Variants in CFAP44 observed in about 807,000 individuals in gnomAD.
CFAP44 encodes cilia and flagella associated protein 44.
A neutral mutation model predicts 216.2 loss-of-function variants in CFAP44; 134 were observed. That is an observed-to-expected ratio of 0.62 (90% CI 0.54 to 0.72). The LOEUF (loss-of-function observed/expected upper bound fraction) is 0.72, where lower values mean the gene tolerates loss of function less well. CFAP44 is among the 30% of genes least tolerant of loss of function. CFAP44 has a pLI of 0.00. For synonymous variants in CFAP44, 700 were observed against 727.6 expected (o/e 0.96, Z 0.61); for missense variants, 2,035 against 2,182.1 (o/e 0.93, Z 1.34).
chr3:113,386,137 T>C (rs1014947951), intron 15 of CFAP44, among the ~76,000 whole-genome samples: 1 of 152,208 alleles, frequency 6.6e-6, no homozygotes, highest in African/African-American at 2.4e-5. Context: ...ACTTATCTTT[T>C]ATTATTATAA....
At chr3:113,418,940 G>C (rs1464786484) in intron 5 of CFAP44, among the ~76,000 whole-genome samples, 1 of 151,762 alleles carries the variant, frequency 6.6e-6, no homozygotes, top group African/African-American at 2.4e-5. Flanking sequence ...TCCTGACCTC[G>C]TGATCCACCC....
chr3:113,384,812 T>G lies in CFAP44; in HGVS notation c.1891-3752A>C, dbSNP rs115233927. On this transcript the variant is annotated intron_variant, in intron 15 of 34. Transcript: ENST00000393845. ...AACACAGTAATAAGTATCCAGTGGGTAGCTGTGAAAGTGTGTGGGCAAACT... is the reference window on the plus strand; with the variant it reads ...AACACAGTAATAAGTATCCAGTGGGGAGCTGTGAAAGTGTGTGGGCAAACT... Among the ~76,000 whole-genome samples, 1,302 of 152,284 alleles carry G rather than the reference T, an allele frequency of 8.5e-3. 22 individuals carry two copies. The highest frequency in any genetic ancestry group is 0.03 in the African/African-American group (1,247 of 41,560).
chr3:113,396,443 G>C (rs2107354734), intron 14 of CFAP44, 75 bp downstream of exon 14: 1 of 1,441,362 alleles, frequency 6.9e-7, no homozygotes, highest in East Asian at 2.3e-5. Flanking sequence ...AATAAGACAT[G>C]ATGAAGTAGG....
At position 113,379,562 on chromosome 3, in the gene CFAP44, A is replaced by C; in HGVS notation, c.2053-11T>G. ...AATTTCTATTAATCTCTTTTAAAAT[A>C]AACATTAAGTAGGTATAAAAACAAT... On this transcript the variant is annotated splice_polypyrimidine_tract_variant and intron_variant, in intron 16 of 34. Transcript: ENST00000393845. The C allele has an allele frequency of 6.4e-7, 1 of 1,554,570 alleles. No homozygotes were observed. The highest frequency in any genetic ancestry group is 1.7e-5 in the Admixed American group (1 of 57,390).
chr3:113,375,765 G>A (rs1440499184), intron 17 of CFAP44, among the ~76,000 whole-genome samples: 1 of 152,166 alleles, frequency 6.6e-6, no homozygotes, highest in Non-Finnish European at 1.5e-5. Context: ...AGGCTGTAGT[G>A]AGCTGAGACG....
chr3:113,403,290 G>T (rs1480899456), intron 9 of CFAP44, among the ~76,000 whole-genome samples: 1 of 152,176 alleles, frequency 6.6e-6, no homozygotes, highest in Non-Finnish European at 1.5e-5. Context: ...GAAGAAGTGT[G>T]ACAATAGCAA....
At chr3:113,378,096 G>C (rs13083453) in intron 17 of CFAP44, among the ~76,000 whole-genome samples, 9 of 152,128 alleles carry the variant, frequency 5.9e-5, no homozygotes, top group African/African-American at 2.2e-4. Context: ...GGCTGGTCTC[G>C]AACTCTTGGG....
chr3:113,343,008 T>TAA (rs1950348048), intron 23 of CFAP44, among the ~76,000 whole-genome samples: 1 of 131,888 alleles, frequency 7.6e-6, no homozygotes, highest in African/African-American at 3.3e-5. Context: ...AAATAAAAAA[T>TAA]TAAAAAAAAA....
At chr3:113,298,103 C>T (rs1295441140) in intron 32 of CFAP44, among the ~76,000 whole-genome samples, 3 of 152,202 alleles carry the variant, frequency 2.0e-5, no homozygotes, top group Non-Finnish European at 4.4e-5. Flanking sequence ...CAGTAAAGAG[C>T]TTTGATTTCC....
chr3:113,405,220 C>T (rs1208831019), intron 8 of CFAP44, among the ~76,000 whole-genome samples: 7 of 152,190 alleles, frequency 4.6e-5, no homozygotes, highest in African/African-American at 1.7e-4. Context: ...ACAACCCTAC[C>T]GACTTTACTG....
rs200135990 is a variant in CFAP44, at chr3:113,327,778, G to A, written c.4158C>T (p.Leu1386=). 2.6e-4 allele frequency: 407 copies of A among 1,536,788 alleles called. 5 individuals are homozygous for A. Among genetic ancestry groups the A allele is most frequent in the Non-Finnish European group, 4.4e-5 (51 of 1,146,710 alleles). Residue 1386 remains leucine, a synonymous_variant, in exon 27 of 35, where the codon CTC becomes CTT. Transcript: ENST00000393845. The part of the protein sequence containing the change: ...LVVTFDAELR[L]LRHQKLKLDT... Reference sequence around the variant, plus strand: ...CTAGTTTTAGTTTCTGATGTCTAAGGAGACGGAGTTCTGCATCGAAAGTGA... The same window carrying A: ...CTAGTTTTAGTTTCTGATGTCTAAGAAGACGGAGTTCTGCATCGAAAGTGA...
At chr3:113,347,017 T>C (rs1444128925) in intron 22 of CFAP44, among the ~76,000 whole-genome samples, 1 of 152,174 alleles carries the variant, frequency 6.6e-6, no homozygotes, top group Non-Finnish European at 1.5e-5. Flanking sequence ...TCTGGACACA[T>C]CTTGGCGACC....
chr3:113,420,152 C>T lies in CFAP44; in HGVS notation c.435G>A (p.Lys145=). The change falls in exon 5 of 35, where the codon AAG becomes AAA. Residue 145 remains lysine, a synonymous_variant. Transcript: ENST00000393845. ...LVHSFGYDCR[K]RANLQLLDDS... is the part of the protein sequence containing the mutation. ...CGTCCAGAAGTTGTAGGTTGGCTCG[C>T]TTTCTACAGTCATAACCAAAAGAAT... is the stretch of plus-strand genomic sequence containing the variant. 1 of 1,613,460 alleles carries T rather than the reference C, an allele frequency of 6.2e-7. No homozygotes were observed. The highest frequency in any genetic ancestry group is 1.1e-5 in the South Asian group (1 of 90,940).
chr3:113,371,977 A>C (rs1933181986), intron 18 of CFAP44, among the ~76,000 whole-genome samples: 1 of 152,228 alleles, frequency 6.6e-6, no homozygotes, highest in Non-Finnish European at 1.5e-5. Context: ...ACAATGAAAA[A>C]ATGCTCATCA....
At chr3:113,354,042 A>C (rs1950471409) in intron 22 of CFAP44, among the ~76,000 whole-genome samples, 1 of 152,052 alleles carries the variant, frequency 6.6e-6, no homozygotes, top group East Asian at 1.9e-4. Context: ...CCTAGACTAA[A>C]GGCTGCTCTG....
rs1050728054 is a variant in CFAP44 at position 113,291,454 on chromosome 3, G to T, written c.*103C>A. The stretch of plus-strand genomic sequence containing the variant: ...ACTGGATCTGGTTTTACACTTTCAG[G>T]CGAGTTCAGTTTAAAGTAATAAGAT... On this transcript the variant is annotated 3_prime_UTR_variant, in exon 35 of 35. Transcript: ENST00000393845. 8 of 1,328,724 alleles carry T rather than the reference G, an allele frequency of 6.0e-6. No individual in the cohort carries two copies. Among genetic ancestry groups the T allele is most frequent in the Non-Finnish European group, 8.1e-6 (8 of 988,278 alleles). The allele number at this position is 1,328,724 out of a possible 1,614,324, so 82.3% of individuals were successfully genotyped here.
chr3:113,333,698 A>G, intron 24 of CFAP44, 115 bp from the exon 25 acceptor site: 3 of 1,195,698 alleles, frequency 2.5e-6, no homozygotes, highest in Non-Finnish European at 3.3e-6. Context: ...TATGATTTCA[A>G]ATCTGTGATG....
At chr3:113,425,162 C>A (rs534705484) in intron 4 of CFAP44, among the ~76,000 whole-genome samples, 1 of 152,080 alleles carries the variant, frequency 6.6e-6, no homozygotes, top group African/African-American at 2.4e-5. Flanking sequence ...TAAATCAGCA[C>A]GAATTAATTT....
Position 113,291,041 on chromosome 3 carries a change from A to C in CFAP44, c.*516T>G, listed in dbSNP as rs1311275619. The C allele has an allele frequency of 1.9e-5, 3 of 154,556 alleles. No homozygotes were observed. Among genetic ancestry groups the C allele is most frequent in the Non-Finnish European group, 2.9e-5 (2 of 69,438 alleles). The allele number at this position is 154,556 out of a possible 1,614,324, so 9.6% of individuals were successfully genotyped here. On this transcript the variant is annotated 3_prime_UTR_variant, in exon 35 of 35. Coordinates refer to ENST00000393845, the MANE Select transcript of CFAP44 (RefSeq NM_001164496.2). ...CCTCAAAACACTGCTTTATGAAGTC[A>C]ACAATGCCAAAACTGAAATTTGCAT... is the stretch of plus-strand genomic sequence containing the variant.
Sources: gnomAD v4.1 joint callset for allele counts (sites outside exome capture counted in the v4.1 genomes callset) on GRCh38, gnomAD v4.1.1 for gene constraint, MANE v1.5 for transcripts, NCBI Gene and HGNC (gene_info 2026-07-23, HGNC 2026-07-21) for gene names.